Variants in NBEA observed in about 807,000 individuals in gnomAD.
NBEA encodes lysosomal-trafficking regulator 2.
Under a neutral mutation model 343.4 loss-of-function variants are expected in NBEA, and 44 were observed. The ratio of observed to expected loss-of-function variants is 0.13; its 90% CI spans 0.10 to 0.16. The LOEUF is 0.16. Ranked by LOEUF, NBEA falls within the 10% of genes least tolerant of loss-of-function variation. NBEA has a pLI of 1.00. For synonymous variants in NBEA, 1,175 were observed against 1,238.7 expected (o/e 0.95, Z 1.08); for missense variants, 2,555 against 3,631.3 (o/e 0.70, Z 7.62).
At chr13:35,512,223 A>G (rs1174315842) in intron 41 of NBEA, among the ~76,000 whole-genome samples, 1 of 152,218 alleles carries the variant, frequency 6.6e-6, no homozygotes, top group Non-Finnish European at 1.5e-5. Context: ...AGTATCAATT[A>G]AAATCTTGGC....
At chr13:35,123,778 A>C (rs1161952470) in intron 17 of NBEA, among the ~76,000 whole-genome samples, 7 of 152,136 alleles carry the variant, frequency 4.6e-5, no homozygotes, top group African/African-American at 7.2e-5. Context: ...CAATTTAAGT[A>C]ATTAGTTTAT....
At chr13:35,471,132 C>G (rs1159816934) in intron 40 of NBEA, among the ~76,000 whole-genome samples, 1 of 152,210 alleles carries the variant, frequency 6.6e-6, no homozygotes, top group Non-Finnish European at 1.5e-5. Flanking sequence ...TCCTTAGCCA[C>G]CCCCTTGTAA....
At chr13:35,567,131 T>C in intron 45 of NBEA, 114 bp downstream of exon 45, 1 of 536,032 alleles carries the variant, frequency 1.9e-6, no homozygotes, top group South Asian at 2.9e-5. Flanking sequence ...ACTGATTATC[T>C]TGACTTACAT....
chr13:35,115,241 A>C (rs1231842409), intron 13 of NBEA, among the ~76,000 whole-genome samples: 4 of 152,150 alleles, frequency 2.6e-5, no homozygotes, highest in Non-Finnish European at 4.4e-5. Context: ...TTACTCATGC[A>C]TACATATAGG....
At chr13:35,205,258 C>T (rs559033308) in intron 31 of NBEA, among the ~76,000 whole-genome samples, 5 of 152,198 alleles carry the variant, frequency 3.3e-5, no homozygotes, top group South Asian at 2.1e-4. Context: ...AGAAAAAGAT[C>T]GGAGAAATCG....
intron 34 of NBEA, among the ~76,000 whole-genome samples, chr13:35,240,304 T>C (rs2030002432): frequency 6.6e-6 from 1 of 151,876 alleles, no homozygotes; most frequent in Admixed American, 6.6e-5. Flanking sequence ...TACAAAAATA[T>C]ATCATCTGAT....
intron 38 of NBEA, among the ~76,000 whole-genome samples, chr13:35,425,854 A>C (rs1159129688): frequency 1.3e-5 from 2 of 152,318 alleles, no homozygotes; most frequent in East Asian, 1.9e-4. Flanking sequence ...ATATATATTT[A>C]GGATAGTTAG....
intron 17 of NBEA, among the ~76,000 whole-genome samples, chr13:35,123,986 A>T (rs1198975024): frequency 6.6e-6 from 1 of 152,062 alleles, no homozygotes; most frequent in Non-Finnish European, 1.5e-5. Context: ...ATTAGTTTCT[A>T]ACAGTAGGGC....
chr13:35,182,304 A>G (rs1322296433), intron 28 of NBEA, 56 bp from the exon 29 acceptor site: 3 of 1,509,286 alleles, frequency 2.0e-6, no homozygotes, highest in Non-Finnish European at 2.7e-6. Context: ...CTAGTGCTTT[A>G]AGAACTTATA....
intron 40 of NBEA, among the ~76,000 whole-genome samples, chr13:35,466,693 T>G (rs2075399738): frequency 6.6e-6 from 1 of 152,016 alleles, no homozygotes. Flanking sequence ...GGTCTCAATC[T>G]CCTGGCCTCA....
chr13:35,166,188 T>TA (rs924794987), intron 24 of NBEA, among the ~76,000 whole-genome samples: 15 of 152,062 alleles, frequency 9.9e-5, no homozygotes, highest in South Asian at 2.1e-4. Flanking sequence ...GCTTCTTATG[T>TA]AAAAAAAACA....
At chr13:34,986,935 A>G (rs1042893336) in intron 1 of NBEA, among the ~76,000 whole-genome samples, 9 of 150,846 alleles carry the variant, frequency 6.0e-5, no homozygotes, top group African/African-American at 1.2e-4. Flanking sequence ...TCTCCTGAAT[A>G]CAGCACACTG....
chr13:35,428,830 A>G (rs1228780384), intron 38 of NBEA, among the ~76,000 whole-genome samples: 1 of 152,084 alleles, frequency 6.6e-6, no homozygotes, highest in African/African-American at 2.4e-5. Context: ...AATTTATTTT[A>G]TTTAAACCTT....
chr13:35,422,544 A>G (rs1198286292), intron 38 of NBEA, among the ~76,000 whole-genome samples: 6 of 151,906 alleles, frequency 3.9e-5, no homozygotes, highest in South Asian at 4.2e-4. Context: ...AATCCAGTCT[A>G]TCGTTGTTGG....
intron 40 of NBEA, among the ~76,000 whole-genome samples, chr13:35,459,838 G>T (rs1050759446): frequency 2.6e-5 from 4 of 152,152 alleles, no homozygotes; most frequent in African/African-American, 9.7e-5. Context: ...CTAAGAATAT[G>T]TTCTTTAAAA....
intron 33 of NBEA, among the ~76,000 whole-genome samples, chr13:35,221,771 T>C (rs1166383245): frequency 6.6e-6 from 1 of 152,140 alleles, no homozygotes; most frequent in Non-Finnish European, 1.5e-5. Context: ...GATAAACCTA[T>C]AGAACCTTAC....
chr13:35,508,486 CCTAAA>C (rs1391779132), intron 41 of NBEA, among the ~76,000 whole-genome samples: 10 of 151,992 alleles, frequency 6.6e-5, no homozygotes, highest in Non-Finnish European at 1.2e-4. Flanking sequence ...GTTTTAATGG[CCTAAA>C]CTAGAGTAGT....
chr13:35,415,492 T>G (rs1017890352), intron 38 of NBEA, among the ~76,000 whole-genome samples: 2 of 152,264 alleles, frequency 1.3e-5, no homozygotes, highest in Non-Finnish European at 2.9e-5. Flanking sequence ...AAATAGGGAA[T>G]CCTTTCCCCA....
intron 35 of NBEA, among the ~76,000 whole-genome samples, chr13:35,304,408 G>T (rs551830761): frequency 3.3e-5 from 5 of 151,988 alleles, no homozygotes; most frequent in African/African-American, 4.8e-5. Flanking sequence ...AGACTGGAGT[G>T]CATTGGCGCG....
Sources: gnomAD v4.1 joint callset for allele counts (sites outside exome capture counted in the v4.1 genomes callset) on GRCh38, gnomAD v4.1.1 for gene constraint, MANE v1.5 for transcripts, NCBI Gene and HGNC (gene_info 2026-07-23, HGNC 2026-07-21) for gene names.